HOXA3: variants seen among roughly 807,000 people sequenced by gnomAD.
HOXA3 encodes homeobox A3.
A neutral mutation model predicts 30.3 loss-of-function variants in HOXA3; 8 were observed. The observed-to-expected ratio is 0.26, with a 90% CI of 0.15 to 0.48. HOXA3 has a LOEUF of 0.48. HOXA3 is among the 20% of genes least tolerant of loss of function. HOXA3 has a pLI of 0.99. For synonymous variants in HOXA3, 323 were observed against 273.1 expected (o/e 1.18, Z -1.80); for missense variants, 653 against 614.4 (o/e 1.06, Z -0.66).
chr7:27,148,361 G>A (rs1335937066), intron 1 of HOXA3, among the ~76,000 whole-genome samples: 1 of 152,248 alleles, frequency 6.6e-6, no homozygotes, highest in African/African-American at 2.4e-5. Context: ...TGAGAAACCA[G>A]GCCTTCACTC....
chr7:27,130,620 C>A (rs1785510034), intron 2 of HOXA3: 3 of 1,560,168 alleles, frequency 1.9e-6, no homozygotes, highest in Non-Finnish European at 2.6e-6. Context: ...AGCCGGGGCC[C>A]CCGCCCGGGC....
intron 4 of HOXA3, among the ~76,000 whole-genome samples, chr7:27,111,608 C>T (rs1401112217): frequency 6.6e-6 from 1 of 152,138 alleles, no homozygotes; most frequent in African/African-American, 2.4e-5. Flanking sequence ...GTTTCTCAGG[C>T]ACTTCCCAGC....
intron 1 of HOXA3, chr7:27,151,084 C>G (rs1782957618): frequency 6.6e-6 from 1 of 152,376 alleles, no homozygotes. Context: ...TTATCCGCCC[C>G]GAGCGCACGC....
Position 27,110,673 on chromosome 7 carries a change from G to T in HOXA3, c.-33C>A. 6.3e-7 allele frequency: 1 copy of T among 1,591,394 alleles called. No individual in the cohort carries two copies. On this transcript the variant is annotated 5_prime_UTR_variant, in exon 5 of 6. The change creates a premature stop within an existing upstream ORF in the 5' untranslated region. Transcript: ENST00000612286. ...TTTCACGATCTTGATCGCACACTCT[G>T]ACAGGGGTTTGACACCCGTGAGGGC...
At position 27,110,331 on chromosome 7, in the gene HOXA3, G is replaced by T; in HGVS notation, c.310C>A (p.Pro104Thr). 6.6e-7 allele frequency: 1 copy of T among 1,510,344 alleles called. No homozygotes were observed. The highest frequency in any genetic ancestry group is 1.3e-5 in the South Asian group (1 of 77,640). 93.6% of individuals were successfully genotyped at this position (1,510,344 alleles called of 1,614,324 possible). ...GGGGGCTGAGGTGCGGGCTGAGGCG[G>T]CTGTGGGGCAGGGGGCGCGGCCTGG... is the stretch of plus-strand genomic sequence containing the variant. ...PPQAAPPAPQ[P>T]PQPAPQPPAP... The change falls in exon 5 of 6, where the codon CCG (proline) becomes ACG (threonine). Residue 104 changes from proline to threonine, a missense_variant. Transcript: ENST00000612286.
intron 2 of HOXA3, chr7:27,130,078 C>G: frequency 6.4e-7 from 1 of 1,555,236 alleles, no homozygotes; most frequent in Non-Finnish European, 8.7e-7. Context: ...CAGGCCCAGC[C>G]CCGGCCCACC....
Position 27,113,383 on chromosome 7 carries a change from C to T in HOXA3, c.-120-2623G>A, listed in dbSNP as rs1784485356. ...TCGGATAGGAGCCCCGAGTCCCCTG[C>T]CCACCTCTCCTTCCCTCTGCAACCC... On this transcript the variant is annotated intron_variant, in intron 4 of 5. Coordinates refer to ENST00000612286, the MANE Select transcript of HOXA3 (RefSeq NM_153631.3). This position sits in a 1 kb window ranked among gnomAD's most constrained non-coding sequence, Gnocchi z 4.8. Among the ~76,000 whole-genome samples the T allele has an allele frequency of 6.6e-6, 1 of 152,144 alleles. No homozygotes were observed. Among genetic ancestry groups the T allele is most frequent in the South Asian group, 2.1e-4 (1 of 4,820 alleles).
At chr7:27,149,540 A>G (rs1782896829) in intron 1 of HOXA3, among the ~76,000 whole-genome samples, 2 of 152,240 alleles carry the variant, frequency 1.3e-5, no homozygotes, top group African/African-American at 2.4e-5. Context: ...GAAGAGCCCA[A>G]GAGGCACTCC....
In HOXA3 at chr7:27,110,125, G is replaced by A. The variant is rs1784276304; in HGVS notation, c.516C>T (p.Ser172=). 1 of 1,614,106 alleles carries A rather than the reference G, an allele frequency of 6.2e-7. No individual in the cohort carries two copies. Among genetic ancestry groups the A allele is most frequent in the South Asian group, 1.1e-5 (1 of 91,094 alleles). Residue 172 remains serine, a synonymous_variant, in exon 5 of 6, where the codon AGC becomes AGT. Coordinates refer to ENST00000612286, the MANE Select transcript of HOXA3 (RefSeq NM_153631.3). ...SRQNTKQKTS[S]SSSGESCAGD... The stretch of plus-strand genomic sequence containing the variant: ...AAGGCACTCCTTTACCTGAGCTGGA[G>A]CTGCTGGTTTTCTGCTTTGTGTTTT...
At chr7:27,129,266 G>A (rs761125024) in intron 2 of HOXA3, 1 of 1,612,456 alleles carries the variant, frequency 6.2e-7, no homozygotes, top group Non-Finnish European at 8.5e-7. Flanking sequence ...CTCGGGTGGG[G>A]GTGGGGATGG....
intron 5 of HOXA3, 73 bp downstream of exon 5, chr7:27,110,042 T>G: frequency 6.4e-7 from 1 of 1,559,998 alleles, no homozygotes. Flanking sequence ...TAGGCTGTGC[T>G]GGATGTCGTG....
chr7:27,146,243 G>A (rs536698759), intron 1 of HOXA3, among the ~76,000 whole-genome samples: 8 of 73,700 alleles, frequency 1.1e-4, no homozygotes, highest in South Asian at 5.9e-4. Context: ...CAGGGTGTGT[G>A]TGTGTGTTTG....
At chr7:27,148,385 C>T (rs2128063406) in intron 1 of HOXA3, among the ~76,000 whole-genome samples, 2 of 152,374 alleles carry the variant, frequency 1.3e-5, no homozygotes, top group Middle Eastern at 6.8e-3. Context: ...GCTCTTCACT[C>T]GTGCGCCTTA....
At chr7:27,129,305 C>T (rs1397130161) in intron 2 of HOXA3, 6 of 1,614,008 alleles carry the variant, frequency 3.7e-6, no homozygotes, top group East Asian at 2.2e-5. Context: ...TGTGCTTTCC[C>T]TGGTGGGCCG....
chr7:27,130,866 G>A, intron 2 of HOXA3: 2 of 840,158 alleles, frequency 2.4e-6, no homozygotes, highest in Non-Finnish European at 3.7e-6. Flanking sequence ...CCGCTGTCAA[G>A]TGCCCACTCC....
At chr7:27,143,383 G>A (rs1047218) in intron 1 of HOXA3, 2 of 1,598,350 alleles carry the variant, frequency 1.3e-6, no homozygotes, top group Non-Finnish European at 1.7e-6. Context: ...CGCTGGCGCT[G>A]GCAGCGTAGC....
At chr7:27,142,011 C>A in intron 1 of HOXA3, 1 of 1,614,226 alleles carries the variant, frequency 6.2e-7, no homozygotes, top group Middle Eastern at 1.6e-4. Context: ...AAGTGGAACT[C>A]CTTCTCCAGC....
intron 2 of HOXA3, chr7:27,130,056 G>T (rs1785455709): frequency 2.0e-6 from 3 of 1,511,702 alleles, no homozygotes; most frequent in South Asian, 1.2e-5. Flanking sequence ...TCCTGACCCC[G>T]ACCCTCGAAC....
chr7:27,145,492 G>T (rs1001081480), intron 1 of HOXA3: 5 of 738,806 alleles, frequency 6.8e-6, no homozygotes, highest in Non-Finnish European at 1.1e-5. Flanking sequence ...GTTTTGTTTT[G>T]TTTTGTAAGA....
Sources: gnomAD v4.1 joint callset for allele counts (sites outside exome capture counted in the v4.1 genomes callset) on GRCh38, gnomAD v4.1.1 for gene constraint, Gnocchi (gnomAD v3.1) non-coding constraint, MANE v1.5 for transcripts, NCBI Gene and HGNC (gene_info 2026-07-23, HGNC 2026-07-21) for gene names.